DST: variants seen among roughly 807,000 people sequenced by gnomAD.
The protein encoded by DST is bullous pemphigoid antigen.
A neutral mutation model predicts 875.2 loss-of-function variants in DST; 253 were observed. That is an observed-to-expected ratio of 0.29 (90% CI 0.26 to 0.32). DST has a LOEUF of 0.32. Among genes scored for constraint, DST ranks in the 10% least tolerant of loss-of-function variants. DST has a pLI of 1.00. For missense variants in DST, 8,287 were observed against 9,111.6 expected, an observed-to-expected ratio of 0.91 and a Z score of 3.68; for synonymous variants, 3,124 against 3,197.1, an observed-to-expected ratio of 0.98 and a Z score of 0.77.
intron 36 of DST, chr6:56,616,889 T>C: frequency 6.2e-7 from 1 of 1,613,728 alleles, no homozygotes; most frequent in Non-Finnish European, 8.5e-7. Context: ...AAGAACTGCA[T>C]CTTCAACAGA....
At chr6:56,479,740 T>G (rs2095337846) in intron 90 of DST, among the ~76,000 whole-genome samples, 1 of 152,000 alleles carries the variant, frequency 6.6e-6, no homozygotes, top group Admixed American at 6.6e-5. Flanking sequence ...CACATGGACA[T>G]AAAGATGGAA....
chr6:56,497,320 C>T, intron 82 of DST, 59 bp downstream of exon 82: 1 of 1,578,580 alleles, frequency 6.3e-7, no homozygotes, highest in South Asian at 1.1e-5. Context: ...CGCCAGGGCC[C>T]ATATAACATG....
intron 63 of DST, 24 bp downstream of exon 63, chr6:56,535,098 A>C (rs757977265): frequency 3.7e-6 from 6 of 1,608,108 alleles, no homozygotes; most frequent in Non-Finnish European, 5.1e-6. Flanking sequence ...TATGAAACGC[A>C]ATACAAAAGC....
Position 56,564,559 on chromosome 6 carries a change from T to G in DST, c.14006-2359A>C, listed in dbSNP as rs369473540. ...TTCCTCTCTTCCTGTCTGAATATCCTTTATTACTTTCTCTTACCTGATTGC... is the reference window on the plus strand; with the variant it reads ...TTCCTCTCTTCCTGTCTGAATATCCGTTATTACTTTCTCTTACCTGATTGC... On this transcript the variant is annotated intron_variant, in intron 55 of 103. Transcript: ENST00000680361. 9.2e-5 allele frequency among the ~76,000 whole-genome samples: 14 copies of G among 152,354 alleles called. No homozygotes were observed. In the South Asian group the frequency reaches 1.7e-3, roughly 18 times the overall value.
intron 4 of DST, among the ~76,000 whole-genome samples, chr6:56,816,998 C>A (rs1036757567): frequency 1.3e-5 from 2 of 151,982 alleles, no homozygotes; most frequent in South Asian, 2.1e-4. Context: ...CTCTGTGAAA[C>A]CCTGGTCAAA....
In DST at chr6:56,897,132, A is replaced by C. The variant is rs981722977; in HGVS notation, c.417+3289T>G. Among the ~76,000 whole-genome samples, 18 of 152,088 alleles carry C rather than the reference A, an allele frequency of 1.2e-4. 1 individual carries two copies. Among genetic ancestry groups the C allele is most frequent in the African/African-American group, 4.3e-4 (18 of 41,494 alleles). On this transcript the variant is annotated intron_variant, in intron 3 of 103. Transcript: ENST00000680361. ...TAAGTCCTTAATCTATCTTGAGTTG[A>C]TTTTTGTATAAGGTGAGAGATGAGG...
intron 4 of DST, among the ~76,000 whole-genome samples, chr6:56,849,538 G>A (rs886236807): frequency 9.2e-5 from 14 of 152,186 alleles, no homozygotes; most frequent in Middle Eastern, 6.8e-3. Context: ...ATTAACAAGC[G>A]ATGGCCCCTG....
At position 56,573,078 on chromosome 6, in the gene DST, A is replaced by G. The variant is rs986801364; in HGVS notation, c.13237-14T>C. On this transcript the variant is annotated splice_polypyrimidine_tract_variant and intron_variant, in intron 51 of 103. Coordinates refer to ENST00000680361, the MANE Select transcript of DST (RefSeq NM_001374736.1). ...CTGTTCCAACATCTAAAATAAACCA[A>G]ATATTGCATATCTTTTATTATGATG... 3 of 1,504,348 alleles carry G rather than the reference A, an allele frequency of 2.0e-6. No homozygotes were observed. In the African/African-American group the frequency reaches 4.2e-5, roughly 21 times the overall value. 93.2% of individuals were successfully genotyped at this position (1,504,348 alleles called of 1,614,324 possible).
chr6:56,850,513 A>C (rs1000915495), intron 4 of DST, among the ~76,000 whole-genome samples: 1 of 152,114 alleles, frequency 6.6e-6, no homozygotes, highest in African/African-American at 2.4e-5. Flanking sequence ...AAACAAACTT[A>C]AAGAACACCT....
At chr6:56,567,635 T>C (rs1404374403) in intron 55 of DST, among the ~76,000 whole-genome samples, 1 of 151,962 alleles carries the variant, frequency 6.6e-6, no homozygotes, top group East Asian at 1.9e-4. Context: ...CATTATAATA[T>C]GGGTAGTCCC....
chr6:56,824,315 A>G (rs1591227531), intron 4 of DST, among the ~76,000 whole-genome samples: 2 of 152,240 alleles, frequency 1.3e-5, no homozygotes, highest in Middle Eastern at 6.8e-3. Flanking sequence ...TCAGTGCTCA[A>G]TGGTACCCAG....
chr6:56,776,707 C>G (rs1417287186), intron 4 of DST, among the ~76,000 whole-genome samples: 1 of 152,066 alleles, frequency 6.6e-6, no homozygotes, highest in African/African-American at 2.4e-5. Context: ...AAAAAGAGGA[C>G]TGCAGACTTA....
intron 75 of DST, among the ~76,000 whole-genome samples, chr6:56,508,006 A>G (rs1273210029): frequency 1.3e-5 from 2 of 152,050 alleles, no homozygotes; most frequent in Admixed American, 6.6e-5. Flanking sequence ...AGTGAGGATA[A>G]AGAGAAATTT....
chr6:56,486,236 G>A (rs1364349266), intron 87 of DST, among the ~76,000 whole-genome samples: 1 of 151,620 alleles, frequency 6.6e-6, no homozygotes, highest in South Asian at 2.1e-4. Context: ...AGTGGCGGAC[G>A]CCTGTGGTCC....
chr6:56,920,895 ATTTT>A (rs35394550), intron 2 of DST, among the ~76,000 whole-genome samples: 1 of 59,678 alleles, frequency 1.7e-5, no homozygotes, highest in Non-Finnish European at 3.1e-5. Flanking sequence ...CGCCCAGCTA[ATTTT>A]TTTTTTTTTT....
chr6:56,716,448 G>A (rs983895849), intron 5 of DST, among the ~76,000 whole-genome samples: 1 of 152,174 alleles, frequency 6.6e-6, no homozygotes, highest in Non-Finnish European at 1.5e-5. Context: ...AATCATGGCA[G>A]TAAATCTTTA....
intron 3 of DST, among the ~76,000 whole-genome samples, chr6:56,862,773 G>C (rs1011128483): frequency 1.3e-5 from 2 of 152,096 alleles, no homozygotes; most frequent in Non-Finnish European, 2.9e-5. Flanking sequence ...AACATTTAGA[G>C]ACTGGAAAAA....
At chr6:56,628,511 G>A (rs2098752279) in intron 32 of DST, among the ~76,000 whole-genome samples, 1 of 152,160 alleles carries the variant, frequency 6.6e-6, no homozygotes, top group Non-Finnish European at 1.5e-5. Context: ...TGGCAGTTCA[G>A]TTTTGAAATA....
chr6:56,807,334 G>A (rs1171702268), intron 4 of DST, among the ~76,000 whole-genome samples: 2 of 152,102 alleles, frequency 1.3e-5, no homozygotes, highest in African/African-American at 4.8e-5. Context: ...CCTCCCAACT[G>A]ATCTTTAGAC....
Sources: gnomAD v4.1 joint callset for allele counts (sites outside exome capture counted in the v4.1 genomes callset) on GRCh38, gnomAD v4.1.1 for gene constraint, MANE v1.5 for transcripts, NCBI Gene and HGNC (gene_info 2026-07-23, HGNC 2026-07-21) for gene names.